The following BAIAP2 variants were observed in gnomAD, a reference collection of about 807,000 sequenced individuals.
BAIAP2 encodes the protein BAR/IMD domain-containing adapter protein 2.
A neutral mutation model predicts 63.0 loss-of-function variants in BAIAP2; 18 were observed. The observed-to-expected ratio is 0.29, with a 90% CI of 0.20 to 0.42. The LOEUF is 0.42. Ranked by LOEUF, BAIAP2 falls within the 10% of genes least tolerant of loss-of-function variation. BAIAP2 has a pLI of 1.00. For synonymous variants in BAIAP2, 386 were observed against 307.6 expected (o/e 1.25, Z -2.67); for missense variants, 610 against 734.3 (o/e 0.83, Z 1.96).
intron 3 of BAIAP2, among the ~76,000 whole-genome samples, chr17:81,061,111 G>A (rs888073474): frequency 6.6e-6 from 1 of 152,192 alleles, no homozygotes; most frequent in Admixed American, 6.5e-5. Context: ...GAGACAGAGC[G>A]AGACTCCGTC....
intron 13 of BAIAP2, among the ~76,000 whole-genome samples, chr17:81,111,762 AG>A (rs1356750934): frequency 1.3e-5 from 2 of 152,150 alleles, no homozygotes; most frequent in Non-Finnish European, 2.9e-5. Flanking sequence ...CTGCCCTCAT[AG>A]GGGGCCCTTG....
chr17:81,098,422 T>C (rs2145750995), intron 6 of BAIAP2, among the ~76,000 whole-genome samples: 1 of 72,728 alleles, frequency 1.4e-5, no homozygotes, highest in East Asian at 7.4e-4. Flanking sequence ...CTTTTAAAGT[T>C]TTTTTTTTTT....
intron 7 of BAIAP2, 129 bp from the exon 8 acceptor site, chr17:81,103,373 G>A (rs2058743712): frequency 1.1e-5 from 10 of 895,780 alleles, no homozygotes; most frequent in Admixed American, 2.8e-5. Flanking sequence ...CTGTCTCGCC[G>A]AGAGGTACCA....
chr17:81,037,764 G>C (rs543894041), intron 1 of BAIAP2, among the ~76,000 whole-genome samples: 427 of 152,374 alleles, frequency 2.8e-3, no homozygotes, highest in Non-Finnish European at 4.1e-3. Context: ...CAGCTGTTTG[G>C]TTTGGTTTGG....
Position 81,116,472 on chromosome 17 carries a change from C to CCA in BAIAP2, c.*633_*634insCA. Reference sequence around the variant, plus strand: ...CTCCTGCCTCGGGCAGGCCCCAGCCCTCCTCCTTACCCAACCTCCCATCCA... The same window carrying CCA: ...CTCCTGCCTCGGGCAGGCCCCAGCCCCATCCTCCTTACCCAACCTCCCATCCA... On this transcript the variant is annotated 3_prime_UTR_variant, in exon 14 of 14. Coordinates refer to ENST00000428708, the MANE Select transcript of BAIAP2 (RefSeq NM_001144888.2). 3.6e-5 allele frequency: 32 copies of CCA among 889,040 alleles called. No individual in the cohort carries two copies. The highest frequency in any genetic ancestry group is 5.3e-5 in the Non-Finnish European group (32 of 598,210). 55.1% of individuals were successfully genotyped at this position (889,040 alleles called of 1,614,324 possible).
At chr17:81,076,759 A>G (rs1341951562) in intron 3 of BAIAP2, among the ~76,000 whole-genome samples, 1 of 152,134 alleles carries the variant, frequency 6.6e-6, no homozygotes, top group East Asian at 1.9e-4. Flanking sequence ...ACTTGATCCC[A>G]GGAGTTCAAG....
chr17:81,110,070 A>G (rs941940965), intron 13 of BAIAP2: 13 of 985,264 alleles, frequency 1.3e-5, no homozygotes, highest in Middle Eastern at 5.2e-4. Context: ...CTCTTCCCAC[A>G]CTGAACTCTG....
rs2055646250 is a variant in BAIAP2, at chr17:81,086,366, C to T, written c.352-77C>T. ...ACCCCGTTGCGTTGGGCTCATGGGCCTCGGTTTTGCTGCCAGTGGTCCGCG... is the reference window on the plus strand; with the variant it reads ...ACCCCGTTGCGTTGGGCTCATGGGCTTCGGTTTTGCTGCCAGTGGTCCGCG... On this transcript the variant is annotated intron_variant, in intron 5 of 13. Coordinates refer to ENST00000428708, the MANE Select transcript of BAIAP2 (RefSeq NM_001144888.2). 3.8e-6 allele frequency: 6 copies of T among 1,563,392 alleles called. No individual in the cohort carries two copies. In the African/African-American group the frequency reaches 4.1e-5, roughly 11 times the overall value.
intron 1 of BAIAP2, chr17:81,053,264 G>GAC (rs2048951094): frequency 1.6e-5 from 3 of 189,134 alleles, no homozygotes; most frequent in Non-Finnish European, 3.3e-5. Flanking sequence ...GGGTGCCGGC[G>GAC]TCGTTGAGCG....
intron 1 of BAIAP2, among the ~76,000 whole-genome samples, chr17:81,049,598 C>T (rs1479340136): frequency 6.6e-6 from 1 of 152,226 alleles, no homozygotes; most frequent in Non-Finnish European, 1.5e-5. Flanking sequence ...TCAGCTCCTT[C>T]CTGGTGGCAT....
chr17:81,091,346 C>T (rs1455281138), intron 6 of BAIAP2, among the ~76,000 whole-genome samples: 2 of 152,122 alleles, frequency 1.3e-5, no homozygotes, highest in African/African-American at 2.4e-5. Context: ...GCAGAGACCT[C>T]TTCACCGGCC....
At chr17:81,094,914 G>A (rs2057373935) in intron 6 of BAIAP2, among the ~76,000 whole-genome samples, 1 of 152,266 alleles carries the variant, frequency 6.6e-6, no homozygotes, top group Non-Finnish European at 1.5e-5. Context: ...GTTAAAGAAC[G>A]TGGGAAAGCT....
chr17:81,088,714 C>T (rs1396455808), intron 6 of BAIAP2, among the ~76,000 whole-genome samples: 1 of 152,250 alleles, frequency 6.6e-6, no homozygotes, highest in Non-Finnish European at 1.5e-5. Context: ...GTCAGCCTTT[C>T]TTCCTTTTCA....
intron 6 of BAIAP2, among the ~76,000 whole-genome samples, chr17:81,098,726 G>A (rs2058053117): frequency 6.6e-6 from 1 of 152,174 alleles, no homozygotes; most frequent in African/African-American, 2.4e-5. Flanking sequence ...TGGGCCGACT[G>A]TGTGTCCACC....
Position 81,068,302 on chromosome 17 carries a change from C to T in BAIAP2, c.217+10335C>T, listed in dbSNP as rs8065518. Among the ~76,000 whole-genome samples, 1,137 of 152,358 alleles carry T rather than the reference C, an allele frequency of 7.5e-3. 18 individuals are homozygous for T. Among genetic ancestry groups the T allele is most frequent in the African/African-American group, 0.026 (1,094 of 41,590 alleles). On this transcript the variant is annotated intron_variant, in intron 3 of 13. Coordinates refer to ENST00000428708, the MANE Select transcript of BAIAP2 (RefSeq NM_001144888.2). ...TCAATAATCAGTGAGCACAGATAGG[C>T]GAGGCTGGTTAGGAGCAGACCACGC...
intron 1 of BAIAP2, among the ~76,000 whole-genome samples, chr17:81,040,786 AG>A (rs1297904024): frequency 5.3e-5 from 8 of 152,324 alleles, no homozygotes; most frequent in Non-Finnish European, 1.0e-4. Flanking sequence ...TGGGCAGTGC[AG>A]GCTGAGGAGG....
In BAIAP2 at chr17:81,115,791, G is replaced by C. The variant is rs773917475; in HGVS notation, c.1557G>C (p.Gln519His). Residue 519 changes from glutamine (Q) to histidine (H), a missense_variant, in exon 14 of 14, where the codon CAG (glutamine) becomes CAC (histidine). By Grantham distance (24) the Gln-to-His change is conservative. This residue lies in a region of BAIAP2 where 114 missense variants were observed against 98.2 expected (regional missense o/e 1.16). Coordinates refer to ENST00000428708, the MANE Select transcript of BAIAP2 (RefSeq NM_001144888.2). Reference protein sequence around the residue: ...SMSRNPFAHVQLKPTVTNDRS... With the variant: ...SMSRNPFAHVHLKPTVTNDRS... ...TCAGGAATCCCTTTGCCCACGTCCA[G>C]CTGAAGCCGACAGTGACCAACGACA... 6.2e-7 allele frequency: 1 copy of C among 1,613,468 alleles called. No individual in the cohort carries two copies. Among genetic ancestry groups the C allele is most frequent in the South Asian group, 1.1e-5 (1 of 91,088 alleles).
At chr17:81,094,918 G>A (rs1346172452) in intron 6 of BAIAP2, among the ~76,000 whole-genome samples, 2 of 152,236 alleles carry the variant, frequency 1.3e-5, no homozygotes, top group Admixed American at 1.3e-4. Context: ...AAGAACGTGG[G>A]AAAGCTGCAG....
intron 1 of BAIAP2, among the ~76,000 whole-genome samples, chr17:81,039,389 C>T (rs975885969): frequency 1.3e-5 from 2 of 152,132 alleles, no homozygotes; most frequent in Non-Finnish European, 2.9e-5. Context: ...GTCCAGCGTT[C>T]GCTTGGTGTC....
Sources: gnomAD v4.1 joint callset for allele counts (sites outside exome capture counted in the v4.1 genomes callset) on GRCh38, gnomAD v4.1.1 for gene constraint, gnomAD v4.1.1 regional missense constraint, MANE v1.5 for transcripts, NCBI Gene and HGNC (gene_info 2026-07-23, HGNC 2026-07-21) for gene names.